The following UBE2O variants were observed in gnomAD, a reference collection of about 807,000 sequenced individuals.
The protein encoded by UBE2O is ubiquitin conjugating enzyme E2 O.
Under a neutral mutation model 125.8 loss-of-function variants are expected in UBE2O, and 15 were observed. The observed-to-expected ratio is 0.12, with a 90% CI of 0.08 to 0.18. The LOEUF (loss-of-function observed/expected upper bound fraction) is 0.18. UBE2O is among the 10% of genes least tolerant of loss of function. UBE2O has a pLI of 1.00. For synonymous variants in UBE2O, 708 were observed against 703.2 expected, an observed-to-expected ratio of 1.01 and a Z score of -0.11; for missense variants, 1,280 against 1,723.6, an observed-to-expected ratio of 0.74 and a Z score of 4.56.
rs2072403778 is a variant in UBE2O, at chr17:76,405,680, C to G, written c.418-108G>C. On this transcript the variant is annotated intron_variant, in intron 1 of 17. Coordinates refer to ENST00000319380, the MANE Select transcript of UBE2O (RefSeq NM_022066.4). This position sits in a 1 kb window ranked among gnomAD's most constrained non-coding sequence, Gnocchi z 6.1. ...CGTCACATCCACACTGCTAAGTGCA[C>G]AAATCCTAAGCGTTTGGCTAGCAGT... 1.0e-6 allele frequency: 1 copy of G among 979,706 alleles called. No individual in the cohort carries two copies. Among genetic ancestry groups the G allele is most frequent in the East Asian group, 2.6e-5 (1 of 38,298 alleles). 60.7% of individuals were successfully genotyped at this position (979,706 alleles called of 1,614,324 possible). A position where few individuals can be genotyped will look rare whatever the true frequency, so the allele number is the denominator to read the frequency against.
At position 76,390,886 on chromosome 17, in the gene UBE2O, T is replaced by G. The variant is rs904573196; in HGVS notation, c.*57A>C. 6 of 1,503,124 alleles carry G rather than the reference T, an allele frequency of 4.0e-6. No homozygotes were observed. The African/African-American group carries it at 4.2e-5, about 11-fold the overall frequency. The allele number at this position is 1,503,124 out of a possible 1,614,324, so 93.1% of individuals were successfully genotyped here. A position where few individuals can be genotyped will look rare whatever the true frequency, so the allele number is the denominator to read the frequency against. On this transcript the variant is annotated 3_prime_UTR_variant, in exon 18 of 18. Coordinates refer to ENST00000319380, the MANE Select transcript of UBE2O (RefSeq NM_022066.4). ...GAAGAGGGGTGATTCCGGGGGGGAGTGAGCAGGCGGCGGCTGGCCTCTCCC... is the reference window on the plus strand; with the variant it reads ...GAAGAGGGGTGATTCCGGGGGGGAGGGAGCAGGCGGCGGCTGGCCTCTCCC...
At chr17:76,411,293 G>A (rs992583847) in intron 1 of UBE2O, among the ~76,000 whole-genome samples, 3 of 152,038 alleles carry the variant, frequency 2.0e-5, no homozygotes, top group African/African-American at 7.2e-5. Context: ...GGTGTGAGCC[G>A]CTCCACCTGG....
intron 1 of UBE2O, among the ~76,000 whole-genome samples, chr17:76,424,667 G>T (rs945628086): frequency 6.6e-6 from 1 of 151,876 alleles, no homozygotes; most frequent in South Asian, 2.1e-4. Flanking sequence ...TTGAGGCCAG[G>T]AGTTCAAGAC....
chr17:76,434,227 C>G (rs114283460), intron 1 of UBE2O, among the ~76,000 whole-genome samples: 2 of 152,294 alleles, frequency 1.3e-5, no homozygotes, highest in African/African-American at 4.8e-5. Flanking sequence ...CCTAGACATA[C>G]ATGGAAACCC....
chr17:76,420,532 C>T (rs2072691575), intron 1 of UBE2O, among the ~76,000 whole-genome samples: 1 of 152,162 alleles, frequency 6.6e-6, no homozygotes, highest in Admixed American at 6.5e-5. Context: ...AGAACCTACA[C>T]TAGAGGCACT....
At chr17:76,422,087 T>C (rs2072721480) in intron 1 of UBE2O, among the ~76,000 whole-genome samples, 1 of 152,128 alleles carries the variant, frequency 6.6e-6, no homozygotes. Context: ...TGTGGTGATG[T>C]TTTTGAGACC....
At chr17:76,437,382 G>A (rs1383465363) in intron 1 of UBE2O, among the ~76,000 whole-genome samples, 3 of 149,844 alleles carry the variant, frequency 2.0e-5, no homozygotes, top group Non-Finnish European at 4.4e-5. Flanking sequence ...CCTGGGAGGC[G>A]GAGCTTGCAG....
chr17:76,415,093 G>A (rs1053715212), intron 1 of UBE2O, among the ~76,000 whole-genome samples: 12 of 152,208 alleles, frequency 7.9e-5, no homozygotes, highest in African/African-American at 2.9e-4. Context: ...AGATGCGACA[G>A]GCTGCGGTCC....
chr17:76,415,607 C>G (rs1278538510), intron 1 of UBE2O, among the ~76,000 whole-genome samples: 1 of 152,136 alleles, frequency 6.6e-6, no homozygotes, highest in Non-Finnish European at 1.5e-5. Flanking sequence ...GAGTTGCAGA[C>G]CAGCCTGGCC....
chr17:76,414,000 G>A (rs887381032), intron 1 of UBE2O, among the ~76,000 whole-genome samples: 6 of 152,184 alleles, frequency 3.9e-5, no homozygotes, highest in Admixed American at 3.9e-4. Context: ...ATTCCGGCTG[G>A]TGCCAGTGTA....
intron 15 of UBE2O, among the ~76,000 whole-genome samples, chr17:76,393,198 C>T (rs1240744273): frequency 6.6e-6 from 1 of 151,806 alleles, no homozygotes; most frequent in African/African-American, 2.4e-5. Context: ...GCTGAGGCTG[C>T]AGTGAGCTAT....
intron 1 of UBE2O, among the ~76,000 whole-genome samples, chr17:76,429,503 C>T (rs1321124845): frequency 7.7e-6 from 1 of 130,438 alleles, no homozygotes; most frequent in Non-Finnish European, 1.5e-5. Flanking sequence ...GATTACACCA[C>T]TGTACTCCAG....
Position 76,452,913 on chromosome 17 carries a change from C to G in UBE2O, c.229G>C (p.Gly77Arg). Residue 77 changes from glycine to arginine, a missense_variant, in exon 1 of 18, where the codon GGG becomes CGG. Gly to Arg is a moderately radical substitution (Grantham distance 125, BLOSUM62 -2). Coordinates refer to ENST00000319380, the MANE Select transcript of UBE2O (RefSeq NM_022066.4). This position sits in a 1 kb window ranked among gnomAD's most constrained non-coding sequence, Gnocchi z 4.4. ...SGRYRGSVHFGLVRLIHGEDS... is the reference protein window; with the variant it reads ...SGRYRGSVHFRLVRLIHGEDS... ...TCGCCGTGGATGAGGCGCACCAGCC[C>G]GAAGTGCACGGAGCCACGGTAACGG... The G allele has an allele frequency of 6.7e-7, 1 of 1,497,034 alleles. No homozygotes were observed. The highest frequency in any genetic ancestry group is 8.9e-7 in the Non-Finnish European group (1 of 1,122,520). The allele number at this position is 1,497,034 out of a possible 1,614,324, so 92.7% of individuals were successfully genotyped here. A position where few individuals can be genotyped will look rare whatever the true frequency, so the allele number is the denominator to read the frequency against.
chr17:76,415,616 C>A (rs2072587596), intron 1 of UBE2O, among the ~76,000 whole-genome samples: 1 of 152,136 alleles, frequency 6.6e-6, no homozygotes. Context: ...ACCAGCCTGG[C>A]CAACATGGTG....
chr17:76,442,946 G>C (rs2073097330), intron 1 of UBE2O, among the ~76,000 whole-genome samples: 1 of 152,188 alleles, frequency 6.6e-6, no homozygotes, highest in Non-Finnish European at 1.5e-5. Flanking sequence ...GCCTCTCAAA[G>C]AACTGATGAC....
chr17:76,443,768 G>C (rs2073112110), intron 1 of UBE2O, among the ~76,000 whole-genome samples: 2 of 152,270 alleles, frequency 1.3e-5, no homozygotes, highest in South Asian at 4.1e-4. Context: ...TACAAGCAGG[G>C]AGGTCACTCC....
At position 76,400,913 on chromosome 17, in the gene UBE2O, G is replaced by T; in HGVS notation, c.894+98C>A. 7.0e-7 allele frequency: 1 copy of T among 1,434,730 alleles called. No homozygotes were observed. Among genetic ancestry groups the T allele is most frequent in the East Asian group, 2.4e-5 (1 of 42,382 alleles). 88.9% of individuals were successfully genotyped at this position (1,434,730 alleles called of 1,614,324 possible). A position where few individuals can be genotyped will look rare whatever the true frequency, so the allele number is the denominator to read the frequency against. The stretch of plus-strand genomic sequence containing the variant: ...AACAGGGTCCAGATGCTGAGGAGCG[G>T]GGCTCAACCCTCAAGAGCAGGAAGG... On this transcript the variant is annotated intron_variant, in intron 6 of 17. Coordinates refer to ENST00000319380, the MANE Select transcript of UBE2O (RefSeq NM_022066.4). This position sits in a 1 kb window ranked among gnomAD's most constrained non-coding sequence, Gnocchi z 4.3.
chr17:76,441,388 C>G (rs2073073377), intron 1 of UBE2O, among the ~76,000 whole-genome samples: 1 of 152,200 alleles, frequency 6.6e-6, no homozygotes, highest in South Asian at 2.1e-4. Context: ...AAGAAAGAGG[C>G]AAGCCTTTCT....
intron 15 of UBE2O, among the ~76,000 whole-genome samples, chr17:76,394,240 G>A (rs2072165169): frequency 6.6e-6 from 1 of 152,100 alleles, no homozygotes; most frequent in African/African-American, 2.4e-5. Context: ...TTCCTTCCAG[G>A]ACAGGGCCAG....
Sources: allele counts gnomAD v4.1 joint callset (sites outside exome capture counted in the v4.1 genomes callset), GRCh38; gene constraint gnomAD v4.1.1; non-coding constraint Gnocchi (gnomAD v3.1); transcripts MANE v1.5; gene names NCBI Gene and HGNC (gene_info 2026-07-23, HGNC 2026-07-21).